The following DPP10 variants were observed in gnomAD, a reference collection of about 807,000 sequenced individuals.
DPP10 encodes the protein inactive dipeptidyl peptidase 10.
DPP10 carries 33 observed loss-of-function variants against 120.9 expected under a neutral mutation model. The observed-to-expected ratio is 0.27, with a 90% CI of 0.21 to 0.37. The LOEUF is 0.37. Among genes scored for constraint, DPP10 ranks in the 10% least tolerant of loss-of-function variants. DPP10 has a pLI of 1.00. For missense variants in DPP10, 816 were observed against 942.8 expected (o/e 0.87, Z 1.76); for synonymous variants, 337 against 326.1 (o/e 1.03, Z -0.36).
chr2:115,100,398 A>T (rs1191294921), intron 1 of DPP10, among the ~76,000 whole-genome samples: 1 of 152,150 alleles, frequency 6.6e-6, no homozygotes, highest in Non-Finnish European at 1.5e-5. Context: ...GCAGTGAGTT[A>T]TAATCTTGCC....
chr2:115,162,184 C>A (rs1444308022), intron 1 of DPP10: 3 of 1,548,806 alleles, frequency 1.9e-6, no homozygotes, highest in Non-Finnish European at 2.6e-6. Context: ...TCTCCACGGA[C>A]TCTGCGGGAA....
intron 1 of DPP10, among the ~76,000 whole-genome samples, chr2:114,987,845 C>T (rs1370619300): frequency 2.7e-5 from 3 of 112,156 alleles, no homozygotes; most frequent in African/African-American, 6.9e-5. Context: ...GCTCTGTCGC[C>T]CAGGCTGGAG....
chr2:114,582,929 A>G (rs192769900), intron 1 of DPP10, among the ~76,000 whole-genome samples: 8 of 152,302 alleles, frequency 5.3e-5, no homozygotes, highest in Admixed American at 1.3e-4. Context: ...AGTAAGTCAC[A>G]TATCACTGGA....
intron 3 of DPP10, among the ~76,000 whole-genome samples, chr2:115,431,976 G>A (rs1186985286): frequency 6.6e-6 from 1 of 152,044 alleles, no homozygotes; most frequent in East Asian, 1.9e-4. Context: ...TGCTTTCCAA[G>A]GGAAACGGGA....
chr2:114,554,283 T>A (rs776396593), intron 1 of DPP10, among the ~76,000 whole-genome samples: 7 of 152,192 alleles, frequency 4.6e-5, no homozygotes, highest in Non-Finnish European at 1.0e-4. Context: ...GAGGACTGAA[T>A]AGAAGATGCC....
chr2:114,825,968 A>T (rs1253714727), intron 1 of DPP10, among the ~76,000 whole-genome samples: 1 of 152,104 alleles, frequency 6.6e-6, no homozygotes, highest in Admixed American at 6.6e-5. Flanking sequence ...ATTAGAAGTT[A>T]CTCTTTTTGC....
intron 1 of DPP10, among the ~76,000 whole-genome samples, chr2:115,088,971 C>T (rs111800152): frequency 1.3e-5 from 2 of 152,022 alleles, no homozygotes; most frequent in African/African-American, 4.8e-5. Flanking sequence ...CTTCCACAAC[C>T]TTTATTGCCA....
chr2:115,176,878 C>T (rs1000730074), intron 1 of DPP10, among the ~76,000 whole-genome samples: 7 of 152,182 alleles, frequency 4.6e-5, no homozygotes, highest in Non-Finnish European at 1.0e-4. Flanking sequence ...GACAGTTTCT[C>T]ATGTGTTTGG....
At chr2:115,838,277 G>A (rs1689739422) in intron 24 of DPP10, among the ~76,000 whole-genome samples, 1 of 152,260 alleles carries the variant, frequency 6.6e-6, no homozygotes, top group Middle Eastern at 3.4e-3. Flanking sequence ...AAGGTATTAA[G>A]ACCTTACATA....
At chr2:115,034,590 A>G (rs998358188) in intron 1 of DPP10, among the ~76,000 whole-genome samples, 1 of 152,216 alleles carries the variant, frequency 6.6e-6, no homozygotes, top group African/African-American at 2.4e-5. Flanking sequence ...TTATCTAAGC[A>G]TAAAACTCAA....
At chr2:115,639,744 A>T (rs2086630050) in intron 5 of DPP10, among the ~76,000 whole-genome samples, 1 of 152,096 alleles carries the variant, frequency 6.6e-6, no homozygotes, top group Non-Finnish European at 1.5e-5. Context: ...TAGGAACCGG[A>T]ATCTCTAGGG....
chr2:115,202,522 C>G (rs2105303940), intron 1 of DPP10, among the ~76,000 whole-genome samples: 1 of 152,228 alleles, frequency 6.6e-6, no homozygotes, highest in Non-Finnish European at 1.5e-5. Flanking sequence ...CTACTTGCCT[C>G]TACTTTTCGA....
At chr2:115,629,880 C>CG (rs2085695395) in intron 5 of DPP10, among the ~76,000 whole-genome samples, 1 of 152,090 alleles carries the variant, frequency 6.6e-6, no homozygotes. Context: ...CTTGGCTATG[C>CG]GGGCTCTTTT....
At chr2:115,479,430 T>C (rs557069982) in intron 3 of DPP10, among the ~76,000 whole-genome samples, 20 of 152,214 alleles carry the variant, frequency 1.3e-4, no homozygotes, top group Admixed American at 1.1e-3. Flanking sequence ...AGTTACTGTT[T>C]AATGCGTACA....
chr2:115,416,470 A>T (rs2069441533), intron 3 of DPP10, among the ~76,000 whole-genome samples: 1 of 152,140 alleles, frequency 6.6e-6, no homozygotes, highest in African/African-American at 2.4e-5. Context: ...CAGCATGACT[A>T]AGTCTAGCCA....
At chr2:115,587,744 C>T (rs921474782) in intron 5 of DPP10, among the ~76,000 whole-genome samples, 1 of 152,168 alleles carries the variant, frequency 6.6e-6, no homozygotes, top group Non-Finnish European at 1.5e-5. Context: ...CCACTTGTGA[C>T]ATATTTGAAG....
intron 8 of DPP10, among the ~76,000 whole-genome samples, chr2:115,736,011 CTG>C (rs899442042): frequency 6.6e-6 from 1 of 152,084 alleles, no homozygotes; most frequent in Non-Finnish European, 1.5e-5. Context: ...AGCTTAGTAA[CTG>C]TGTTTTGTCT....
At chr2:115,757,942 GCAAA>G (rs112841319) in intron 11 of DPP10, among the ~76,000 whole-genome samples, 226 of 152,184 alleles carry the variant, frequency 1.5e-3, no homozygotes, top group African/African-American at 5.0e-3. Flanking sequence ...TACTGAATGT[GCAAA>G]CACTCACCTT....
chr2:114,903,121 G>A (rs753834862), intron 1 of DPP10, among the ~76,000 whole-genome samples: 2 of 151,808 alleles, frequency 1.3e-5, no homozygotes, highest in African/African-American at 2.4e-5. Flanking sequence ...CCTTTTTATG[G>A]CTTAGGAGCT....
Sources: gnomAD v4.1 joint callset for allele counts (sites outside exome capture counted in the v4.1 genomes callset) on GRCh38, gnomAD v4.1.1 for gene constraint, MANE v1.5 for transcripts, NCBI Gene and HGNC (gene_info 2026-07-23, HGNC 2026-07-21) for gene names.